The following STXBP6 variants were observed in gnomAD, a reference collection of about 807,000 sequenced individuals.
STXBP6 encodes the protein syntaxin binding protein 6.
STXBP6 carries 21 observed loss-of-function variants against 26.9 expected under a neutral mutation model. The ratio of observed to expected loss-of-function variants is 0.78; its 90% CI spans 0.55 to 1.12. The LOEUF (loss-of-function observed/expected upper bound fraction) is 1.12, where lower values mean the gene tolerates loss of function less well. STXBP6 is among the 50% of genes most tolerant of loss of function. The pLI, the probability that STXBP6 is intolerant of heterozygous loss-of-function variation, is 0.00. For missense variants in STXBP6, 232 were observed against 257.9 expected, an observed-to-expected ratio of 0.90 and a Z score of 0.69; for synonymous variants, 97 against 92.6, an observed-to-expected ratio of 1.05 and a Z score of -0.27.
At chr14:24,938,199 G>A (rs753276073) in intron 2 of STXBP6, among the ~76,000 whole-genome samples, 6 of 152,048 alleles carry the variant, frequency 3.9e-5, no homozygotes, top group African/African-American at 7.2e-5. Flanking sequence ...TTTTTCTCAC[G>A]CAAGAGCAGT....
chr14:24,903,530 T>G (rs1199829835), intron 2 of STXBP6, among the ~76,000 whole-genome samples: 1 of 152,182 alleles, frequency 6.6e-6, no homozygotes. Context: ...ACAAAGTTCT[T>G]AATAAATATT....
intron 1 of STXBP6, among the ~76,000 whole-genome samples, chr14:24,980,954 G>A (rs1174198206): frequency 1.3e-5 from 2 of 152,168 alleles, no homozygotes; most frequent in African/African-American, 4.8e-5. Flanking sequence ...AGGGGATCTG[G>A]GGCTAGGGCC....
chr14:25,004,935 A>C (rs935858918), intron 1 of STXBP6, among the ~76,000 whole-genome samples: 2 of 152,166 alleles, frequency 1.3e-5, no homozygotes, highest in African/African-American at 4.8e-5. Flanking sequence ...ATTCGGATGG[A>C]AACAACCAGG....
intron 1 of STXBP6, among the ~76,000 whole-genome samples, chr14:25,023,637 C>T (rs1195599078): frequency 1.3e-5 from 2 of 151,682 alleles, no homozygotes; most frequent in South Asian, 2.1e-4. Context: ...AGCAAGACCC[C>T]GTTTCTTAAA....
chr14:24,868,830 C>T (rs966028868), intron 2 of STXBP6, among the ~76,000 whole-genome samples: 1 of 152,202 alleles, frequency 6.6e-6, no homozygotes, highest in African/African-American at 2.4e-5. Flanking sequence ...CTAACCCACT[C>T]TTCATTGCAG....
chr14:25,006,025 G>T (rs1390815319), intron 1 of STXBP6, among the ~76,000 whole-genome samples: 1 of 152,140 alleles, frequency 6.6e-6, no homozygotes, highest in Non-Finnish European at 1.5e-5. Context: ...CAACATTCAG[G>T]ATTATGACAC....
chr14:24,821,539 C>T (rs1248143668), intron 4 of STXBP6, among the ~76,000 whole-genome samples: 1 of 152,204 alleles, frequency 6.6e-6, no homozygotes, highest in African/African-American at 2.4e-5. Flanking sequence ...ATAGGAAATC[C>T]ACCTTCAGTT....
At chr14:24,849,611 A>T (rs1032921312) in intron 4 of STXBP6, among the ~76,000 whole-genome samples, 1 of 152,106 alleles carries the variant, frequency 6.6e-6, no homozygotes, top group Non-Finnish European at 1.5e-5. Flanking sequence ...GGTGGAGGAA[A>T]CTGAAGTTTA....
intron 2 of STXBP6, among the ~76,000 whole-genome samples, chr14:24,890,752 T>C (rs757147070): frequency 8.5e-5 from 13 of 152,178 alleles, no homozygotes; most frequent in Non-Finnish European, 1.6e-4. Flanking sequence ...TTGAAATAAA[T>C]TGAAACAGTA....
rs560937061 is a variant in STXBP6, at chr14:25,024,180, A to G, written c.-33+25698T>C. Among the ~76,000 whole-genome samples, 634 of 152,162 alleles carry G rather than the reference A, an allele frequency of 4.2e-3. 19 individuals are homozygous for G. Among genetic ancestry groups the G allele is most frequent in the Admixed American group, 0.037 (559 of 15,256 alleles). On this transcript the variant is annotated intron_variant, in intron 1 of 5. Coordinates refer to ENST00000323944, the MANE Select transcript of STXBP6 (RefSeq NM_001394410.1). ...AAAAATTAGCCGGGCATGGTGGCAC[A>G]CGCCTGTAGTCCCAGCTACTCAGGA...
intron 1 of STXBP6, among the ~76,000 whole-genome samples, chr14:24,976,217 C>T (rs1438138105): frequency 2.0e-5 from 3 of 152,204 alleles, no homozygotes; most frequent in African/African-American, 4.8e-5. Context: ...TAAAAGATCA[C>T]GGGATCATCC....
chr14:24,857,358 C>T (rs1269365796), intron 2 of STXBP6, among the ~76,000 whole-genome samples: 1 of 152,116 alleles, frequency 6.6e-6, no homozygotes, highest in African/African-American at 2.4e-5. Flanking sequence ...ACAATCTCCA[C>T]TCTGAAGCAG....
At position 24,890,154 on chromosome 14, in the gene STXBP6, C is replaced by T. The variant is rs73591685; in HGVS notation, c.155-32997G>A. Among the ~76,000 whole-genome samples the T allele has an allele frequency of 2.1e-3, 327 of 152,366 alleles. 1 individual carries two copies. The highest frequency in any genetic ancestry group is 5.4e-3 in the African/African-American group (224 of 41,584). ...GCTTCTTGACCTCACAGAGCTAGTGCCCAAACACTGGGATGCCTGCTAATG... is the reference window on the plus strand; with the variant it reads ...GCTTCTTGACCTCACAGAGCTAGTGTCCAAACACTGGGATGCCTGCTAATG... On this transcript the variant is annotated intron_variant, in intron 2 of 5. Transcript: ENST00000323944.
chr14:24,867,889 C>A (rs1423410362), intron 2 of STXBP6, among the ~76,000 whole-genome samples: 1 of 152,094 alleles, frequency 6.6e-6, no homozygotes, highest in Non-Finnish European at 1.5e-5. Context: ...AACATATTTG[C>A]AAATCATATC....
Position 25,049,286 on chromosome 14 carries a change from G to C in STXBP6, c.-33+592C>G. ...GGCAAGCGCGAATTCGGAACCTGGCGCCCTTGACCAAGCCTGAGATCGGAA... is the reference window on the plus strand; with the variant it reads ...GGCAAGCGCGAATTCGGAACCTGGCCCCCTTGACCAAGCCTGAGATCGGAA... On this transcript the variant is annotated intron_variant, in intron 1 of 5. Coordinates refer to ENST00000323944, the MANE Select transcript of STXBP6 (RefSeq NM_001394410.1). This position sits in a 1 kb window ranked among gnomAD's most constrained non-coding sequence, Gnocchi z 5.6. 3.0e-6 allele frequency: 3 copies of C among 985,462 alleles called. No individual in the cohort carries two copies. Among genetic ancestry groups the C allele is most frequent in the Non-Finnish European group, 3.6e-6 (3 of 829,946 alleles). 61.0% of individuals were successfully genotyped at this position (985,462 alleles called of 1,614,324 possible).
chr14:24,845,548 T>G (rs542474226), intron 4 of STXBP6, among the ~76,000 whole-genome samples: 6 of 152,296 alleles, frequency 3.9e-5, no homozygotes, highest in African/African-American at 1.4e-4. Flanking sequence ...TAGAACAGAT[T>G]AGCAGAAGTA....
At chr14:25,030,273 G>A (rs964717675) in intron 1 of STXBP6, among the ~76,000 whole-genome samples, 1 of 152,156 alleles carries the variant, frequency 6.6e-6, no homozygotes, top group African/African-American at 2.4e-5. Flanking sequence ...ACAGCATCCA[G>A]GACAGTACCC....
chr14:24,828,258 T>A (rs190585321), intron 4 of STXBP6, among the ~76,000 whole-genome samples: 1 of 152,158 alleles, frequency 6.6e-6, no homozygotes, highest in East Asian at 1.9e-4. Flanking sequence ...AAGAAAGCAG[T>A]TTAAAGGAGA....
intron 4 of STXBP6, 42 bp from the exon 5 acceptor site, chr14:24,819,236 G>A (rs1451677254): frequency 6.2e-7 from 1 of 1,611,658 alleles, no homozygotes; most frequent in Admixed American, 1.7e-5. Context: ...TGGCTCAGCT[G>A]ACCCACAGTG....
Sources: gnomAD v4.1 joint callset for allele counts (sites outside exome capture counted in the v4.1 genomes callset) on GRCh38, gnomAD v4.1.1 for gene constraint, Gnocchi (gnomAD v3.1) non-coding constraint, MANE v1.5 for transcripts, NCBI Gene and HGNC (gene_info 2026-07-23, HGNC 2026-07-21) for gene names.